Variants in CFAP299 observed in about 807,000 individuals in gnomAD.
CFAP299 encodes the protein cilia and flagella associated protein 299.
CFAP299 carries 21 observed loss-of-function variants against 27.0 expected under a neutral mutation model. That is an observed-to-expected ratio of 0.78 (90% CI 0.55 to 1.12). The LOEUF (loss-of-function observed/expected upper bound fraction) is 1.12, where lower values mean the gene tolerates loss of function less well. CFAP299 is among the 50% of genes most tolerant of loss of function. The probability of loss-of-function intolerance (pLI) is 0.00; values close to 1 mark genes in which losing one functional copy is unlikely to be tolerated. For synonymous variants in CFAP299, 104 were observed against 98.1 expected (o/e 1.06, Z -0.36); for missense variants, 310 against 276.6 (o/e 1.12, Z -0.86).
chr4:80,599,860 GGCC>G, intron 3 of CFAP299, among the ~76,000 whole-genome samples: 1 of 152,038 alleles, frequency 6.6e-6, no homozygotes, highest in Non-Finnish European at 1.5e-5. Context: ...TCATAATATG[GGCC>G]TTTAGCAATG....
chr4:80,350,665 C>T (rs113748074), intron 1 of CFAP299, among the ~76,000 whole-genome samples: 11,343 of 152,126 alleles, frequency 0.075, 1,261 homozygotes, highest in African/African-American at 0.24. Context: ...CTGTCATCCT[C>T]GGCAAACTAA....
At chr4:80,427,370 G>T (rs964279998) in intron 2 of CFAP299, among the ~76,000 whole-genome samples, 7 of 151,808 alleles carry the variant, frequency 4.6e-5, no homozygotes, top group African/African-American at 1.7e-4. Context: ...AATTTATTTA[G>T]TGCCTATATG....
At chr4:80,382,093 A>G (rs1724729023) in intron 2 of CFAP299, among the ~76,000 whole-genome samples, 1 of 152,200 alleles carries the variant, frequency 6.6e-6, no homozygotes, top group Non-Finnish European at 1.5e-5. Context: ...AAAGAGAAAA[A>G]TAAGCTAGCC....
intron 3 of CFAP299, among the ~76,000 whole-genome samples, chr4:80,844,362 T>C (rs936015289): frequency 2.0e-5 from 3 of 152,192 alleles, no homozygotes; most frequent in African/African-American, 7.2e-5. Flanking sequence ...TAGTTTACAG[T>C]CCCACCAATA....
chr4:80,394,578 A>C (rs1725674478), intron 2 of CFAP299, among the ~76,000 whole-genome samples: 1 of 152,030 alleles, frequency 6.6e-6, no homozygotes, highest in African/African-American at 2.4e-5. Flanking sequence ...TAAGTCATTA[A>C]TCCATTTTGA....
chr4:80,613,312 T>C (rs1387253305), intron 3 of CFAP299, among the ~76,000 whole-genome samples: 1 of 152,130 alleles, frequency 6.6e-6, no homozygotes, highest in Non-Finnish European at 1.5e-5. Flanking sequence ...CCTGAAGTTT[T>C]TGGTGTCACA....
chr4:80,854,524 G>A (rs1250795483), intron 3 of CFAP299, among the ~76,000 whole-genome samples: 1 of 151,854 alleles, frequency 6.6e-6, no homozygotes, highest in Non-Finnish European at 1.5e-5. Flanking sequence ...ACTGGCCTCG[G>A]ACAGAAGCAT....
rs116035703 is a variant in CFAP299 at position 80,815,818 on chromosome 4, G to A, written c.334-54175G>A. Among the ~76,000 whole-genome samples the A allele has an allele frequency of 2.6e-3, 396 of 152,008 alleles. 2 individuals carry two copies. Among genetic ancestry groups the A allele is most frequent in the Non-Finnish European group, 4.2e-3 (287 of 67,888 alleles). ...TGTACGTATGTATAAAATTGAATGC[G>A]TAAGTAAAGGGCTAGAAATAGATAC... On this transcript the variant is annotated intron_variant, in intron 3 of 5. Transcript: ENST00000358105.
rs1728291079 is a variant in CFAP299 at position 80,440,211 on chromosome 4, A to G, written c.242+77327A>G. ...CAATGCTTGAGCTCTGCTAAGGGAC[A>G]GACTGCCTCCTCAGGTGGGTCCCTG... On this transcript the variant is annotated intron_variant, in intron 2 of 5. Coordinates refer to ENST00000358105, the MANE Select transcript of CFAP299 (RefSeq NM_152770.3). 2.6e-5 allele frequency among the ~76,000 whole-genome samples: 4 copies of G among 152,318 alleles called. No homozygotes were observed. In the East Asian group the frequency reaches 7.8e-4, roughly 30 times the overall value.
At chr4:80,651,661 G>A (rs529897022) in intron 3 of CFAP299, among the ~76,000 whole-genome samples, 70 of 151,164 alleles carry the variant, frequency 4.6e-4, no homozygotes, top group African/African-American at 1.7e-3. Flanking sequence ...CACCGTGCCC[G>A]GGCGAATCTC....
intron 4 of CFAP299, among the ~76,000 whole-genome samples, chr4:80,922,646 G>C (rs1460650078): frequency 6.6e-6 from 1 of 151,386 alleles, no homozygotes; most frequent in Non-Finnish European, 1.5e-5. Flanking sequence ...TACAATAAAG[G>C]GTTTTCTATT....
chr4:80,337,825 TA>T (rs1578327765), intron 1 of CFAP299, among the ~76,000 whole-genome samples: 1 of 152,214 alleles, frequency 6.6e-6, no homozygotes, highest in African/African-American at 2.4e-5. Context: ...TCATAAAAAG[TA>T]AGATGAAGAT....
Position 80,753,738 on chromosome 4 carries a change from ACT to A in CFAP299, c.334-116254_334-116253del, listed in dbSNP as rs1001342147. Reference sequence around the variant, plus strand: ...TTTCAATTGAATTTTCTTCAAGTTCACTGATTCTTTTTTCTGCTATGTCAAAT... The same window carrying A: ...TTTCAATTGAATTTTCTTCAAGTTCAGATTCTTTTTTCTGCTATGTCAAAT... On this transcript the variant is annotated intron_variant, in intron 3 of 5. Coordinates refer to ENST00000358105, the MANE Select transcript of CFAP299 (RefSeq NM_152770.3). 7.6e-4 allele frequency among the ~76,000 whole-genome samples: 116 copies of A among 152,056 alleles called. 1 individual carries two copies. The highest frequency in any genetic ancestry group is 2.8e-3 in the African/African-American group (116 of 41,508).
chr4:80,359,280 T>C (rs1215738960), intron 1 of CFAP299, among the ~76,000 whole-genome samples: 3 of 152,190 alleles, frequency 2.0e-5, no homozygotes, highest in Non-Finnish European at 4.4e-5. Context: ...TCTTGGAGAA[T>C]CTGATGATTA....
At chr4:80,535,640 T>C (rs950944932) in intron 2 of CFAP299, among the ~76,000 whole-genome samples, 1 of 151,860 alleles carries the variant, frequency 6.6e-6, no homozygotes, top group East Asian at 1.9e-4. Flanking sequence ...ACCTAGATTC[T>C]CAGGTACAGA....
intron 2 of CFAP299, among the ~76,000 whole-genome samples, chr4:80,409,031 C>A (rs1228662870): frequency 7.2e-6 from 1 of 138,350 alleles, no homozygotes; most frequent in African/African-American, 2.7e-5. Flanking sequence ...TGTAATGAGA[C>A]TCTTTCAAAA....
chr4:80,443,578 T>C (rs528199027), intron 2 of CFAP299, among the ~76,000 whole-genome samples: 3 of 152,296 alleles, frequency 2.0e-5, no homozygotes, highest in African/African-American at 7.2e-5. Flanking sequence ...AATATCATAC[T>C]GAATGGGCAA....
In CFAP299 at chr4:80,906,334, G is replaced by A. The variant is rs146780472; in HGVS notation, c.476+36199G>A. Among the ~76,000 whole-genome samples the A allele has an allele frequency of 1.3e-3, 201 of 152,296 alleles. 7 individuals carry two copies. In the East Asian group the frequency reaches 0.036, roughly 27 times the overall value. On this transcript the variant is annotated intron_variant, in intron 4 of 5. Coordinates refer to ENST00000358105, the MANE Select transcript of CFAP299 (RefSeq NM_152770.3). ...CTGTGGCTTTGCAGGGTACAGCCCCGCTCCTGGCTGCTTTCATGGGTTAGC... is the reference window on the plus strand; with the variant it reads ...CTGTGGCTTTGCAGGGTACAGCCCCACTCCTGGCTGCTTTCATGGGTTAGC...
intron 2 of CFAP299, among the ~76,000 whole-genome samples, chr4:80,540,479 T>C (rs1485195051): frequency 6.6e-6 from 1 of 152,176 alleles, no homozygotes; most frequent in Non-Finnish European, 1.5e-5. Flanking sequence ...GTAGGCAAAT[T>C]AGCTTGTAAA....
Sources: allele counts gnomAD v4.1 joint callset (sites outside exome capture counted in the v4.1 genomes callset), GRCh38; gene constraint gnomAD v4.1.1; transcripts MANE v1.5; gene names NCBI Gene and HGNC (gene_info 2026-07-23, HGNC 2026-07-21).